SUMF1: variants seen among roughly 807,000 people sequenced by gnomAD.
SUMF1 encodes the protein formylglycine-generating enzyme.
In SUMF1, 48 loss-of-function variants were observed where a neutral mutation model predicts 47.6. That is an observed-to-expected ratio of 1.01 (90% CI 0.80 to 1.28). The LOEUF (loss-of-function observed/expected upper bound fraction) is 1.28, where lower values mean the gene tolerates loss of function less well. SUMF1 is among the 50% of genes most tolerant of loss of function. SUMF1 has a pLI of 0.00. For synonymous variants in SUMF1, 230 were observed against 192.1 expected, an observed-to-expected ratio of 1.20 and a Z score of -1.63; for missense variants, 571 against 485.4, an observed-to-expected ratio of 1.18 and a Z score of -1.66.
At chr3:4,325,649 GTTA>G (rs1698929552) in intron 8 of SUMF1, among the ~76,000 whole-genome samples, 1 of 151,846 alleles carries the variant, frequency 6.6e-6, no homozygotes, top group Admixed American at 6.6e-5. Context: ...ATAGGTTGCT[GTTA>G]TTTCTACTGA....
intron 8 of SUMF1, among the ~76,000 whole-genome samples, chr3:4,256,707 T>C (rs1696961843): frequency 6.6e-6 from 1 of 152,170 alleles, no homozygotes; most frequent in Admixed American, 6.5e-5. Context: ...ACTGGTACCA[T>C]TCCTTCTGAA....
At chr3:4,035,713 G>C (rs554783220) in intron 9 of SUMF1, among the ~76,000 whole-genome samples, 189 of 152,226 alleles carry the variant, frequency 1.2e-3, no homozygotes, top group African/African-American at 4.2e-3. Flanking sequence ...GCTACTTATT[G>C]GGCATAGAAC....
At chr3:4,139,993 C>T (rs1305843666) in intron 8 of SUMF1, among the ~76,000 whole-genome samples, 1 of 151,976 alleles carries the variant, frequency 6.6e-6, no homozygotes, top group Non-Finnish European at 1.5e-5. Context: ...TTTGCAGGAA[C>T]TCAAAATAAG....
intron 8 of SUMF1, among the ~76,000 whole-genome samples, chr3:4,096,548 C>T (rs1053010181): frequency 6.6e-6 from 1 of 152,086 alleles, no homozygotes; most frequent in African/African-American, 2.4e-5. Flanking sequence ...CCATTGTGCA[C>T]AGCAGCTTCT....
At chr3:4,218,684 T>TTGTC (rs1695995166) in intron 8 of SUMF1, among the ~76,000 whole-genome samples, 1 of 152,158 alleles carries the variant, frequency 6.6e-6, no homozygotes, top group African/African-American at 2.4e-5. Flanking sequence ...GAGCATCAGT[T>TTGTC]TATAGACAAA....
rs930467713 is a variant in SUMF1 at position 4,152,142 on chromosome 3, G to C, written c.1015-83397C>G. ...TACAGAAGCACTACACTGGGGAAGG[G>C]AGCAGTGCAAAGAACACAGAACTGG... On this transcript the variant is annotated intron_variant and NMD_transcript_variant, in intron 8 of 12. Transcript: ENST00000448413. Among the ~76,000 whole-genome samples, 7 of 151,574 alleles carry C rather than the reference G, an allele frequency of 4.6e-5. 2 individuals are homozygous for C. Among genetic ancestry groups the C allele is most frequent in the African/African-American group, 1.2e-4 (5 of 40,884 alleles).
chr3:4,051,255 T>G (rs1335633848), intron 9 of SUMF1, among the ~76,000 whole-genome samples: 1 of 152,024 alleles, frequency 6.6e-6, no homozygotes, highest in Non-Finnish European at 1.5e-5. Context: ...ACCACAGTTT[T>G]TCTACCCTTC....
At chr3:4,068,580 A>G (rs973315195) in exon 9 of SUMF1, 3 of 380,070 alleles carry the variant, frequency 7.9e-6, no homozygotes, top group Non-Finnish European at 1.6e-5. Flanking sequence ...GCACATCTCA[A>G]TTCAAACTTG....
intron 3 of SUMF1, among the ~76,000 whole-genome samples, chr3:4,423,184 G>C (rs1701958679): frequency 6.6e-6 from 1 of 151,792 alleles, no homozygotes; most frequent in Non-Finnish European, 1.5e-5. Context: ...AAAGATACTT[G>C]CACACACATG....
intron 8 of SUMF1, among the ~76,000 whole-genome samples, chr3:4,226,260 GTTTCTTTTT>G (rs1696171055): frequency 9.0e-6 from 1 of 110,718 alleles, no homozygotes; most frequent in East Asian, 3.0e-4. Context: ...TTTTTTTTTT[GTTTCTTTTT>G]TTTTTTTTTT....
At position 4,212,876 on chromosome 3, in the gene SUMF1, C is replaced by T. The variant is rs192924916; in HGVS notation, c.1015-144131G>A. 7.9e-5 allele frequency among the ~76,000 whole-genome samples: 12 copies of T among 152,014 alleles called. No homozygotes were observed. In the East Asian group the frequency reaches 1.2e-3, roughly 15 times the overall value. ...AAAATTAGAGAAAAAATTATAAAAA[C>T]GAACAAACAAAGCCTCCAAGAAATA... On this transcript the variant is annotated intron_variant and NMD_transcript_variant, in intron 8 of 12. Transcript: ENST00000448413.
chr3:4,260,991 T>C (rs1005121060), intron 8 of SUMF1, among the ~76,000 whole-genome samples: 3 of 152,148 alleles, frequency 2.0e-5, no homozygotes, highest in African/African-American at 4.8e-5. Flanking sequence ...TTCTGATCAA[T>C]AGAACCATAA....
At chr3:4,273,860 A>ATGGGAGGGGAGGGCAGGGGAAG (rs1697361359) in intron 8 of SUMF1, among the ~76,000 whole-genome samples, 1 of 147,896 alleles carries the variant, frequency 6.8e-6, no homozygotes, top group African/African-American at 2.5e-5. Context: ...AAGGCAGGGC[A>ATGGGAGGGGAGGGCAGGGGAAG]GGTCATGATG....
At chr3:4,193,371 A>C (rs1695361766) in intron 8 of SUMF1, among the ~76,000 whole-genome samples, 1 of 152,076 alleles carries the variant, frequency 6.6e-6, no homozygotes, top group African/African-American at 2.4e-5. Context: ...GAATTTGTGA[A>C]TCATTCTAGC....
chr3:4,312,761 AG>A, intron 8 of SUMF1: 1 of 893,596 alleles, frequency 1.1e-6, no homozygotes, highest in South Asian at 2.2e-5. Context: ...ACAATATCTT[AG>A]TATGCTGTGT....
chr3:4,384,885 C>CT (rs61381529), intron 7 of SUMF1, among the ~76,000 whole-genome samples: 32,952 of 150,932 alleles, frequency 0.22, 3,973 homozygotes, highest in African/African-American at 0.33. Context: ...TTTCTTTTTT[C>CT]TTTTTTCTTT....
At chr3:4,140,639 C>T (rs1024014177) in intron 8 of SUMF1, among the ~76,000 whole-genome samples, 2 of 151,786 alleles carry the variant, frequency 1.3e-5, no homozygotes, top group South Asian at 4.1e-4. Flanking sequence ...TTGACTTTAC[C>T]TAATTTTTGT....
intron 1 of SUMF1, among the ~76,000 whole-genome samples, chr3:4,461,146 TA>T (rs35297808): frequency 4.6e-5 from 7 of 152,352 alleles, no homozygotes; most frequent in Non-Finnish European, 1.0e-4. Context: ...TGCATAATTA[TA>T]AAAATGCTAT....
intron 7 of SUMF1, 128 bp from the exon 8 acceptor site, chr3:4,376,517 C>T (rs1161523458): frequency 3.2e-6 from 3 of 943,766 alleles, no homozygotes; most frequent in Non-Finnish European, 5.2e-6. Flanking sequence ...GCATTTCCAC[C>T]CCTAGGCTTT....
Sources: allele counts gnomAD v4.1 joint callset (sites outside exome capture counted in the v4.1 genomes callset), GRCh38; gene constraint gnomAD v4.1.1; transcripts MANE v1.5; gene names NCBI Gene and HGNC (gene_info 2026-07-23, HGNC 2026-07-21).